The following JAZF1 variants were observed in gnomAD, a reference collection of about 807,000 sequenced individuals.
The protein encoded by JAZF1 is JAZF zinc finger 1.
In JAZF1, 8 loss-of-function variants were observed where a neutral mutation model predicts 26.4. That is an observed-to-expected ratio of 0.30 (90% confidence interval 0.18 to 0.55). The LOEUF (loss-of-function observed/expected upper bound fraction) is 0.55, where lower values mean the gene tolerates loss of function less well. Ranked by LOEUF, JAZF1 falls within the 20% of genes least tolerant of loss-of-function variation. The pLI is 0.94. For missense variants in JAZF1, 199 were observed against 322.0 expected, an observed-to-expected ratio of 0.62 and a Z score of 2.92; for synonymous variants, 126 against 122.3, an observed-to-expected ratio of 1.03 and a Z score of -0.20.
At chr7:27,905,074 C>T (rs1267887798) in intron 2 of JAZF1, among the ~76,000 whole-genome samples, 1 of 152,156 alleles carries the variant, frequency 6.6e-6, no homozygotes, top group Non-Finnish European at 1.5e-5. Flanking sequence ...GCTGGGACTA[C>T]AGGGATGCAC....
chr7:27,952,119 T>G (rs1785020069), intron 2 of JAZF1, among the ~76,000 whole-genome samples: 1 of 152,208 alleles, frequency 6.6e-6, no homozygotes. Context: ...TTGTGTTCAC[T>G]TCCAGGGACA....
intron 2 of JAZF1, among the ~76,000 whole-genome samples, chr7:27,911,102 C>T: frequency 6.6e-6 from 1 of 152,182 alleles, no homozygotes; most frequent in East Asian, 1.9e-4. Flanking sequence ...CAACCAAACA[C>T]CGAAGAGCTA....
At chr7:28,041,699 C>A (rs1488675711) in intron 1 of JAZF1, among the ~76,000 whole-genome samples, 3 of 152,152 alleles carry the variant, frequency 2.0e-5, no homozygotes, top group Admixed American at 1.3e-4. Context: ...TCCTTGACTA[C>A]ATTTGGGAAA....
At chr7:27,945,928 G>A (rs984760994) in intron 2 of JAZF1, among the ~76,000 whole-genome samples, 3 of 152,122 alleles carry the variant, frequency 2.0e-5, no homozygotes, top group African/African-American at 7.2e-5. Context: ...TTATGATGGC[G>A]CAAAAGTAAT....
At chr7:28,111,555 T>C (rs1046269033) in intron 1 of JAZF1, among the ~76,000 whole-genome samples, 1 of 152,238 alleles carries the variant, frequency 6.6e-6, no homozygotes, top group Admixed American at 6.5e-5. Flanking sequence ...TAAGTCACAA[T>C]GCTTCTTTGA....
chr7:28,107,031 G>A (rs1325322687), intron 1 of JAZF1, among the ~76,000 whole-genome samples: 1 of 152,286 alleles, frequency 6.6e-6, no homozygotes, highest in African/African-American at 2.4e-5. Context: ...TTCTGGAAGA[G>A]GGAACAAAGT....
intron 1 of JAZF1, among the ~76,000 whole-genome samples, chr7:28,047,302 T>A (rs1158395251): frequency 6.6e-6 from 1 of 152,138 alleles, no homozygotes; most frequent in Non-Finnish European, 1.5e-5. Flanking sequence ...TTAAAAATAG[T>A]TCTTTGATAT....
intron 1 of JAZF1, among the ~76,000 whole-genome samples, chr7:28,098,220 C>T (rs1364718615): frequency 6.6e-6 from 1 of 152,064 alleles, no homozygotes; most frequent in African/African-American, 2.4e-5. Context: ...CCCTCTCTCC[C>T]TGACATATGT....
At chr7:28,000,996 C>T (rs549677589) in intron 1 of JAZF1, among the ~76,000 whole-genome samples, 66 of 152,092 alleles carry the variant, frequency 4.3e-4, no homozygotes, top group African/African-American at 1.4e-3. Flanking sequence ...TGTTTAGTTG[C>T]TTAGGGGAAA....
At chr7:28,170,380 T>C (rs1783441615) in intron 1 of JAZF1, among the ~76,000 whole-genome samples, 1 of 148,824 alleles carries the variant, frequency 6.7e-6, no homozygotes, top group Non-Finnish European at 1.5e-5. Flanking sequence ...TGTGTGTGTG[T>C]GTGTGTGTGT....
At position 27,915,795 on chromosome 7, in the gene JAZF1, T is replaced by C. The variant is rs1174128133; in HGVS notation, c.189-20379A>G. The stretch of plus-strand genomic sequence containing the variant: ...GTAAATATATTGACTTTATTATTAA[T>C]ACTCCATTTTGGTTAATAAGGCAGC... On this transcript the variant is annotated intron_variant, in intron 2 of 4. Transcript: ENST00000283928. 2.6e-5 allele frequency among the ~76,000 whole-genome samples: 4 copies of C among 152,258 alleles called. 1 individual carries two copies. The East Asian group carries it at 7.7e-4, about 29-fold the overall frequency.
intron 1 of JAZF1, among the ~76,000 whole-genome samples, chr7:28,025,055 C>T (rs1783069630): frequency 6.6e-6 from 1 of 152,222 alleles, no homozygotes; most frequent in Non-Finnish European, 1.5e-5. Flanking sequence ...CTGACAAACT[C>T]AGGACAATGG....
At chr7:28,179,276 G>A (rs1356117842) in intron 1 of JAZF1, among the ~76,000 whole-genome samples, 4 of 152,240 alleles carry the variant, frequency 2.6e-5, no homozygotes, top group Admixed American at 1.3e-4. Context: ...GACCGCCTAA[G>A]CCAGATGCAC....
chr7:28,090,824 T>G (rs933435407), intron 1 of JAZF1, among the ~76,000 whole-genome samples: 6 of 145,694 alleles, frequency 4.1e-5, no homozygotes, highest in African/African-American at 1.5e-4. Flanking sequence ...GTTGTTTTTT[T>G]TTTTTTTTTT....
At chr7:28,035,190 GC>G (rs1338084964) in intron 1 of JAZF1, among the ~76,000 whole-genome samples, 1 of 151,176 alleles carries the variant, frequency 6.6e-6, no homozygotes, top group Admixed American at 6.6e-5. Flanking sequence ...GGTGGTGGGC[GC>G]CTGTAATCCC....
chr7:27,849,748 CACAG>C (rs1040701467), intron 3 of JAZF1, among the ~76,000 whole-genome samples: 1 of 122,422 alleles, frequency 8.2e-6, no homozygotes, highest in Non-Finnish European at 1.7e-5. Flanking sequence ...AACCCTTACA[CACAG>C]ACACACACAC....
rs1303518629 is a variant in JAZF1, at chr7:27,861,597, G to GTTA, written c.386-20731_386-20730insTAA. On this transcript the variant is annotated intron_variant, in intron 3 of 4. Coordinates refer to ENST00000283928, the MANE Select transcript of JAZF1 (RefSeq NM_175061.4). ...GCTTTCTTCTCTCTGTAAGGAGAAGGTTGTTGTTTTTATTTTCTCCTGCCC... is the reference window on the plus strand; with the variant it reads ...GCTTTCTTCTCTCTGTAAGGAGAAGGTTATTGTTGTTTTTATTTTCTCCTGCCC... 1.8e-3 allele frequency among the ~76,000 whole-genome samples: 114 copies of GTTA among 64,084 alleles called. 1 individual carries two copies. Among genetic ancestry groups the GTTA allele is most frequent in the African/African-American group, 0.011 (107 of 9,740 alleles). 42.0% of individuals were successfully genotyped at this position (64,084 alleles called of 152,430 possible).
intron 3 of JAZF1, among the ~76,000 whole-genome samples, chr7:27,887,768 T>C (rs1783894181): frequency 6.6e-6 from 1 of 152,202 alleles, no homozygotes; most frequent in Admixed American, 6.5e-5. Context: ...GAAGGTTTTT[T>C]TCTAAGTGGT....
chr7:28,155,362 T>A (rs1783166382), intron 1 of JAZF1, among the ~76,000 whole-genome samples: 3 of 152,198 alleles, frequency 2.0e-5, no homozygotes, highest in Admixed American at 6.5e-5. Context: ...TCAAACCAAA[T>A]AATTCACTCT....
Sources: allele counts gnomAD v4.1 joint callset (sites outside exome capture counted in the v4.1 genomes callset), GRCh38; gene constraint gnomAD v4.1.1; transcripts MANE v1.5; gene names NCBI Gene and HGNC (gene_info 2026-07-23, HGNC 2026-07-21).